The following MAF variants were observed in gnomAD, a reference collection of about 807,000 sequenced individuals.
MAF encodes MAF bZIP transcription factor.
MAF carries 10 observed loss-of-function variants against 22.0 expected under a neutral mutation model. The observed-to-expected ratio is 0.45, with a 90% confidence interval of 0.28 to 0.77. The LOEUF is 0.77. MAF is among the 30% of genes least tolerant of loss of function. MAF has a pLI of 0.12. For synonymous variants in MAF, 337 were observed against 255.8 expected (o/e 1.32, Z -3.03); for missense variants, 544 against 548.4 (o/e 0.99, Z 0.08).
intron 1 of MAF, 58 bp downstream of exon 1, chr16:79,598,726 GC>G (rs1913753004): frequency 6.2e-7 from 1 of 1,610,014 alleles, no homozygotes; most frequent in Non-Finnish European, 8.5e-7. Context: ...CCACACCCGA[GC>G]CGGACCCCCG....
downstream of MAF, among the ~76,000 whole-genome samples, chr16:79,592,973 G>C (rs1042905418): frequency 1.3e-5 from 2 of 152,314 alleles, no homozygotes; most frequent in South Asian, 2.1e-4. Context: ...GAGCTTGGTT[G>C]TGTGTTTTAC....
the MAF span, among the ~76,000 whole-genome samples, chr16:79,214,204 T>C: frequency 9.9e-5 from 15 of 152,194 alleles, no homozygotes; most frequent in African/African-American, 3.4e-4. Flanking sequence ...GTACACATTA[T>C]GTGTCTATTT....
chr16:79,470,733 C>T, the MAF span, among the ~76,000 whole-genome samples: 42 of 152,262 alleles, frequency 2.8e-4, no homozygotes, highest in Non-Finnish European at 4.9e-4. Flanking sequence ...TTGTCCAACA[C>T]GATGCTGGGG....
At chr16:79,595,317 C>G (rs1425486884) in intron 1 of MAF, 2 of 1,049,328 alleles carry the variant, frequency 1.9e-6, no homozygotes, top group African/African-American at 3.3e-5. Flanking sequence ...AAAAAATAGG[C>G]AGGAAGGCCA....
In MAF at chr16:79,594,199, G is replaced by C; in HGVS notation, c.*261C>G. ...TAATTTCAGTGAATTTTTAAAACTA[G>C]TATGGCAGGTTGAAAGCAATGCACC... On this transcript the variant is annotated 3_prime_UTR_variant, in exon 2 of 2. Coordinates refer to ENST00000326043, the MANE Select transcript of MAF (RefSeq NM_005360.5). The C allele has an allele frequency of 2.2e-6, 1 of 458,486 alleles. No homozygotes were observed. The highest frequency in any genetic ancestry group is 4.0e-6 in the Non-Finnish European group (1 of 251,786). 28.4% of individuals were successfully genotyped at this position (458,486 alleles called of 1,614,324 possible). A position where few individuals can be genotyped will look rare whatever the true frequency, so the allele number is the denominator to read the frequency against.
the MAF span, among the ~76,000 whole-genome samples, chr16:79,552,211 C>G: frequency 1.3e-5 from 2 of 151,210 alleles, no homozygotes; most frequent in African/African-American, 4.9e-5. Context: ...GCATCTGCTG[C>G]TCTCTCTTCT....
the MAF span, among the ~76,000 whole-genome samples, chr16:79,468,039 A>G: frequency 6.6e-6 from 1 of 152,306 alleles, no homozygotes; most frequent in South Asian, 2.1e-4. Flanking sequence ...ATTTAATTAA[A>G]TTAGAATGTG....
chr16:79,429,768 C>A, the MAF span, among the ~76,000 whole-genome samples: 23,528 of 152,064 alleles, frequency 0.15, 2,368 homozygotes, highest in African/African-American at 0.27. Context: ...TGCTGAAATC[C>A]TATCCAGACA....
the MAF span, among the ~76,000 whole-genome samples, chr16:79,512,473 G>C: frequency 6.6e-6 from 1 of 152,104 alleles, no homozygotes; most frequent in Admixed American, 6.6e-5. Context: ...TGATCAGCTT[G>C]GGTTTCAGAA....
At chr16:79,219,944 A>C in the MAF span, among the ~76,000 whole-genome samples, 25 of 152,324 alleles carry the variant, frequency 1.6e-4, no homozygotes, top group Admixed American at 6.5e-4. Context: ...TTAATCTTGG[A>C]AATAACTGGT....
At chr16:79,543,606 C>G in the MAF span, among the ~76,000 whole-genome samples, 226 of 152,244 alleles carry the variant, frequency 1.5e-3, no homozygotes, top group Admixed American at 5.2e-3. Flanking sequence ...TAATATGGTG[C>G]TCCTCAACGG....
At chr16:79,354,313 T>C in the MAF span, among the ~76,000 whole-genome samples, 19 of 151,900 alleles carry the variant, frequency 1.3e-4, no homozygotes, top group Admixed American at 1.2e-3. Flanking sequence ...ATGGATTCAG[T>C]GGAAGGTCAG....
the MAF span, among the ~76,000 whole-genome samples, chr16:79,424,911 G>C: frequency 5.0e-4 from 76 of 152,104 alleles, no homozygotes; most frequent in African/African-American, 1.8e-3. Context: ...GAAGAATATA[G>C]ATGAACACAG....
chr16:79,566,525 C>G, the MAF span, among the ~76,000 whole-genome samples: 2 of 152,254 alleles, frequency 1.3e-5, no homozygotes, highest in African/African-American at 4.8e-5. Flanking sequence ...CCAAACCAAC[C>G]ATCTCTGGAG....
chr16:79,242,967 A>C, the MAF span, among the ~76,000 whole-genome samples: 1 of 152,094 alleles, frequency 6.6e-6, no homozygotes, highest in African/African-American at 2.4e-5. Context: ...AAATAACAAA[A>C]TGAAGGCAGA....
chr16:79,314,765 T>C, the MAF span, among the ~76,000 whole-genome samples: 2 of 152,166 alleles, frequency 1.3e-5, no homozygotes, highest in Non-Finnish European at 2.9e-5. Context: ...GAGGCCCAGA[T>C]GATGTTTTGC....
chr16:79,231,062 T>G, the MAF span, among the ~76,000 whole-genome samples: 1 of 152,066 alleles, frequency 6.6e-6, no homozygotes, highest in Non-Finnish European at 1.5e-5. Flanking sequence ...CATGTTTTTC[T>G]GTATAGTCTT....
chr16:79,519,747 C>G, the MAF span, among the ~76,000 whole-genome samples: 6 of 152,242 alleles, frequency 3.9e-5, no homozygotes, highest in Admixed American at 6.5e-5. Context: ...TGTCCTAACT[C>G]ATGGGCCGGT....
At chr16:79,222,648 C>T in the MAF span, among the ~76,000 whole-genome samples, 1 of 152,010 alleles carries the variant, frequency 6.6e-6, no homozygotes, top group Non-Finnish European at 1.5e-5. Flanking sequence ...CGTGCAGAGA[C>T]ACAAATAGGC....
Sources: gnomAD v4.1 joint callset for allele counts (sites outside exome capture counted in the v4.1 genomes callset) on GRCh38, gnomAD v4.1.1 for gene constraint, MANE v1.5 for transcripts, NCBI Gene and HGNC (gene_info 2026-07-23, HGNC 2026-07-21) for gene names.